The following TBC1D2B variants were observed in gnomAD, a reference collection of about 807,000 sequenced individuals.
TBC1D2B encodes the protein TBC1 domain family member 2B, also known as TBC1 domain family, member 2B.
In TBC1D2B, 64 loss-of-function variants were observed where a neutral mutation model predicts 100.8. The observed-to-expected ratio is 0.64, with a 90% CI of 0.52 to 0.78. TBC1D2B has a LOEUF of 0.78. Ranked by LOEUF, TBC1D2B falls within the 30% of genes least tolerant of loss-of-function variation. TBC1D2B has a pLI of 0.00. For missense variants in TBC1D2B, 1,052 were observed against 1,218.4 expected (o/e 0.86, Z 2.03); for synonymous variants, 480 against 479.7 (o/e 1.00, Z -0.01).
intron 1 of TBC1D2B, among the ~76,000 whole-genome samples, chr15:78,075,496 G>GA (rs899491950): frequency 7.9e-5 from 12 of 152,182 alleles, no homozygotes; most frequent in Non-Finnish European, 1.5e-4. Flanking sequence ...TTATTTTAAT[G>GA]AAAAAAACTG....
At chr15:78,021,187 C>T (rs1277773807) in intron 6 of TBC1D2B, among the ~76,000 whole-genome samples, 1 of 152,002 alleles carries the variant, frequency 6.6e-6, no homozygotes, top group Non-Finnish European at 1.5e-5. Flanking sequence ...TAACAAATTC[C>T]AAATGGCAGA....
chr15:78,076,582 T>TAA (rs34714222), intron 1 of TBC1D2B, among the ~76,000 whole-genome samples: 47 of 146,954 alleles, frequency 3.2e-4, no homozygotes, highest in Admixed American at 6.1e-4. Flanking sequence ...CCCGTTTCTT[T>TAA]AAAAAAAAAA....
intron 6 of TBC1D2B, among the ~76,000 whole-genome samples, chr15:78,021,763 A>G (rs1022511091): frequency 2.0e-5 from 3 of 152,182 alleles, no homozygotes; most frequent in Non-Finnish European, 4.4e-5. Context: ...AAGTTGAGAA[A>G]TGTTGGAGGA....
chr15:78,074,764 A>G (rs1450659334), intron 1 of TBC1D2B, among the ~76,000 whole-genome samples: 1 of 152,246 alleles, frequency 6.6e-6, no homozygotes, highest in East Asian at 1.9e-4. Flanking sequence ...AAGTGGTATC[A>G]TTCTGAACAC....
chr15:78,021,918 G>A (rs897247149), intron 6 of TBC1D2B, among the ~76,000 whole-genome samples: 1 of 152,142 alleles, frequency 6.6e-6, no homozygotes, highest in Non-Finnish European at 1.5e-5. Context: ...CAGCCACGAA[G>A]CATAACCTCC....
chr15:78,016,914 A>T, intron 7 of TBC1D2B, 175 bp from the exon 8 acceptor site: 1 of 571,256 alleles, frequency 1.8e-6, no homozygotes, highest in Non-Finnish European at 3.0e-6. Flanking sequence ...CATGTTTAAA[A>T]TGGCCTGCAG....
chr15:78,000,227 C>T (rs1452221654), intron 12 of TBC1D2B, among the ~76,000 whole-genome samples: 1 of 152,220 alleles, frequency 6.6e-6, no homozygotes, highest in South Asian at 2.1e-4. Flanking sequence ...CAGAAGGAGG[C>T]GCTGCAGGAC....
chr15:78,016,443 G>A, intron 8 of TBC1D2B, 103 bp downstream of exon 8: 1 of 1,077,554 alleles, frequency 9.3e-7, no homozygotes, highest in Non-Finnish European at 1.3e-6. Flanking sequence ...AGCACCAAAT[G>A]AGACACACAG....
chr15:78,029,961 A>G, intron 4 of TBC1D2B, 46 bp downstream of exon 4: 1 of 1,507,608 alleles, frequency 6.6e-7, no homozygotes, highest in African/African-American at 1.4e-5. Context: ...GGTGGTTAAC[A>G]GATGGCAGTA....
rs773318195 is a variant in TBC1D2B at position 78,054,027 on chromosome 15, G to C, written c.514+7C>G. ...ACTGACCCAGCTCCCCTTTATTTCT[G>C]CCTTACCAGTGTTATCTCTGGCTAC... is the stretch of plus-strand genomic sequence containing the variant. On this transcript the variant is annotated splice_region_variant and intron_variant, in intron 2 of 12. Coordinates refer to ENST00000300584, the MANE Select transcript of TBC1D2B (RefSeq NM_144572.2). The C allele has an allele frequency of 6.2e-7, 1 of 1,609,982 alleles. No homozygotes were observed.
intron 1 of TBC1D2B, among the ~76,000 whole-genome samples, chr15:78,054,419 C>A (rs913454980): frequency 6.6e-6 from 1 of 152,192 alleles, no homozygotes; most frequent in Non-Finnish European, 1.5e-5. Flanking sequence ...TTTTTAAATT[C>A]TGAAATTAAA....
At chr15:78,070,384 T>C (rs1020306086) in intron 1 of TBC1D2B, among the ~76,000 whole-genome samples, 8 of 152,182 alleles carry the variant, frequency 5.3e-5, no homozygotes, top group African/African-American at 1.7e-4. Context: ...ATGCATTGCA[T>C]ATCTTTCCTT....
At chr15:78,030,634 T>C (rs2072785302) in intron 3 of TBC1D2B, among the ~76,000 whole-genome samples, 1 of 152,152 alleles carries the variant, frequency 6.6e-6, no homozygotes, top group African/African-American at 2.4e-5. Flanking sequence ...TATACACTGC[T>C]GGTGGGATTA....
At chr15:78,052,713 C>T (rs1423094446) in intron 2 of TBC1D2B, among the ~76,000 whole-genome samples, 1 of 152,214 alleles carries the variant, frequency 6.6e-6, no homozygotes, top group East Asian at 1.9e-4. Flanking sequence ...AATCAAGCAC[C>T]TCCTGTGCCA....
intron 1 of TBC1D2B, among the ~76,000 whole-genome samples, chr15:78,073,181 T>C (rs948540739): frequency 2.6e-5 from 4 of 152,158 alleles, no homozygotes; most frequent in African/African-American, 9.7e-5. Context: ...ACATCCCCTC[T>C]CTAGCCTCTA....
chr15:78,023,587 G>T (rs1351541332), intron 6 of TBC1D2B, among the ~76,000 whole-genome samples: 1 of 152,230 alleles, frequency 6.6e-6, no homozygotes, highest in Non-Finnish European at 1.5e-5. Context: ...CTAAGGGCTA[G>T]CCCAGAGAAG....
At chr15:78,056,822 AGTGT>A (rs2073435070) in intron 1 of TBC1D2B, among the ~76,000 whole-genome samples, 1 of 151,366 alleles carries the variant, frequency 6.6e-6, no homozygotes, top group Non-Finnish European at 1.5e-5. Flanking sequence ...CTTAGAGGCA[AGTGT>A]GTGTTTGGGT....
chr15:78,059,749 T>G (rs2073504755), intron 1 of TBC1D2B, among the ~76,000 whole-genome samples: 1 of 152,140 alleles, frequency 6.6e-6, no homozygotes, highest in Non-Finnish European at 1.5e-5. Context: ...TTCCTCCTCT[T>G]GGGCCCCAGA....
At chr15:78,070,403 C>G (rs1448799587) in intron 1 of TBC1D2B, among the ~76,000 whole-genome samples, 2 of 152,230 alleles carry the variant, frequency 1.3e-5, no homozygotes, top group African/African-American at 4.8e-5. Flanking sequence ...TTTCAAACTT[C>G]CTAGCACTGG....
Sources: gnomAD v4.1 joint callset for allele counts (sites outside exome capture counted in the v4.1 genomes callset) on GRCh38, gnomAD v4.1.1 for gene constraint, MANE v1.5 for transcripts, NCBI Gene and HGNC (gene_info 2026-07-23, HGNC 2026-07-21) for gene names.